The following ACAP3 variants were observed in gnomAD, a reference collection of about 807,000 sequenced individuals.
ACAP3 encodes arf-GAP with coiled-coil, ANK repeat and PH domain-containing protein 3.
A neutral mutation model predicts 104.1 loss-of-function variants in ACAP3; 56 were observed. The observed-to-expected ratio is 0.54, with a 90% CI of 0.43 to 0.67. The LOEUF is 0.67. ACAP3 is among the 30% of genes least tolerant of loss of function. ACAP3 has a pLI of 0.00. For synonymous variants in ACAP3, 628 were observed against 496.2 expected (o/e 1.27, Z -3.53); for missense variants, 1,208 against 1,174.9 (o/e 1.03, Z -0.41).
intron 14 of ACAP3, among the ~76,000 whole-genome samples, chr1:1,296,871 C>G (rs1279423165): frequency 6.6e-6 from 1 of 152,046 alleles, no homozygotes; most frequent in Non-Finnish European, 1.5e-5. Flanking sequence ...GAGCACACGC[C>G]CGCACACGCA....
intron 1 of ACAP3, 148 bp from the exon 2 acceptor site, chr1:1,304,291 G>C: frequency 1.0e-6 from 1 of 968,330 alleles, no homozygotes; most frequent in Non-Finnish European, 1.5e-6. Context: ...TGCTACGGGG[G>C]CAGGACTGGG....
At chr1:1,295,094 G>C in intron 19 of ACAP3, 1 of 552,396 alleles carries the variant, frequency 1.8e-6, no homozygotes. Context: ...CCCGCAGTGG[G>C]CCCCCCAGCC....
chr1:1,304,170 G>T, intron 1 of ACAP3, 27 bp from the exon 2 acceptor site: 1 of 1,550,216 alleles, frequency 6.5e-7, no homozygotes, highest in Admixed American at 2.0e-5. Flanking sequence ...GCTGGCTGGG[G>T]TCACCTGCAG....
chr1:1,304,209 CCCGCACCTCCCT>C, intron 1 of ACAP3, 66 bp from the exon 2 acceptor site: 7 of 1,536,550 alleles, frequency 4.6e-6, no homozygotes, highest in Non-Finnish European at 6.2e-6. Context: ...TTCACCTCCC[CCCGCACCTCCCT>C]GAGGGGCTCC....
intron 14 of ACAP3, among the ~76,000 whole-genome samples, 189 bp from the exon 15 acceptor site, chr1:1,296,822 C>T (rs993334828): frequency 3.0e-4 from 38 of 126,362 alleles, no homozygotes; most frequent in African/African-American, 1.1e-3. Flanking sequence ...CGCCCGCACA[C>T]GCACACACGC....
At chr1:1,294,908 A>C (rs1641049484) in intron 19 of ACAP3, 92 bp from the exon 20 acceptor site, 1 of 1,313,894 alleles carries the variant, frequency 7.6e-7, no homozygotes, top group Non-Finnish European at 1.1e-6. Flanking sequence ...CCCACCCTCC[A>C]GGGGCCACCC....
chr1:1,300,393 TG>T, intron 6 of ACAP3, 115 bp downstream of exon 6: 1 of 1,295,928 alleles, frequency 7.7e-7, no homozygotes, highest in Non-Finnish European at 1.1e-6. Flanking sequence ...TTCCCACCCA[TG>T]GGCAAAGCAA....
intron 9 of ACAP3, chr1:1,299,628 A>G: frequency 1.4e-6 from 1 of 722,374 alleles, no homozygotes; most frequent in Non-Finnish European, 2.3e-6. Flanking sequence ...CCTCAAAAGG[A>G]GATCCCAGCA....
At chr1:1,300,845 C>T (rs1018080601) in intron 5 of ACAP3, among the ~76,000 whole-genome samples, 153 bp from the exon 6 acceptor site, 48 of 152,186 alleles carry the variant, frequency 3.2e-4, no homozygotes, top group African/African-American at 1.2e-3. Flanking sequence ...TGTCTCGGCT[C>T]ACCGCAATCT....
rs115482194 is a variant in ACAP3 at position 1,296,403 on chromosome 1, A to G, written c.1337+22T>C. On this transcript the variant is annotated intron_variant, in intron 15 of 23. Coordinates refer to ENST00000354700, the MANE Select transcript of ACAP3 (RefSeq NM_030649.3). ...ATGCTCCAGCCCAACCCCCACCCCC[A>G]GCCTGGCCCTCAGGGGCCCACCTGT... 0.01 allele frequency: 15,347 copies of G among 1,530,506 alleles called. 1,544 individuals are homozygous for G. In the African/African-American group the frequency reaches 0.2, roughly 20 times the overall value. 94.8% of individuals were successfully genotyped at this position (1,530,506 alleles called of 1,614,324 possible).
Position 1,303,059 on chromosome 1 carries a change from T to C in ACAP3, c.226-84A>G. On this transcript the variant is annotated intron_variant, in intron 3 of 23. Coordinates refer to ENST00000354700, the MANE Select transcript of ACAP3 (RefSeq NM_030649.3). The surrounding 1 kb of genome is among the most constrained non-coding windows in gnomAD (Gnocchi z 4.0). Reference sequence around the variant, plus strand: ...CCACGCCCTCTGAGCCCCTGGGCGGTGCAGACACCGGCCTGCTTCTGGCCT... The same window carrying C: ...CCACGCCCTCTGAGCCCCTGGGCGGCGCAGACACCGGCCTGCTTCTGGCCT... The C allele has an allele frequency of 6.4e-7, 1 of 1,554,752 alleles. No homozygotes were observed. Among genetic ancestry groups the C allele is most frequent in the Non-Finnish European group, 8.7e-7 (1 of 1,148,498 alleles).
Position 1,303,210 on chromosome 1 carries a change from G to A in ACAP3, c.177C>T (p.Ser59=), listed in dbSNP as rs142687085. Residue 59 remains serine (S), a synonymous_variant, in exon 3 of 24, where the codon AGC becomes AGT. Coordinates refer to ENST00000354700, the MANE Select transcript of ACAP3 (RefSeq NM_030649.3). This position sits in a 1 kb window ranked among gnomAD's most constrained non-coding sequence, Gnocchi z 4.0. ...ACTGCTGGGACAGGTCGCGGACGCC[G>A]CTCACGAAAAGCCTGCTGGTGCTGA... ...AYVSTSRLFV[S]GVRDLSQQCQ... 2.1e-5 allele frequency: 33 copies of A among 1,607,006 alleles called. No individual in the cohort carries two copies. Among genetic ancestry groups the A allele is most frequent in the East Asian group, 1.6e-4 (7 of 44,628 alleles).
chr1:1,301,863 G>C (rs1395507632), intron 5 of ACAP3, 125 bp downstream of exon 5: 5 of 889,842 alleles, frequency 5.6e-6, no homozygotes, highest in Non-Finnish European at 6.4e-6. Flanking sequence ...CTTCTGCCTT[G>C]TGGAGCCGCT....
rs1218364713 is a variant in ACAP3, at chr1:1,293,467, G to A, written c.*97C>T. The A allele has an allele frequency of 3.2e-6, 4 of 1,251,446 alleles. 1 individual carries two copies. The highest frequency in any genetic ancestry group is 1.0e-6 in the Non-Finnish European group (1 of 986,054). The allele number at this position is 1,251,446 out of a possible 1,614,324, so 77.5% of individuals were successfully genotyped here. ...TGGGGCTGCCAGGTATCGACCCGCG[G>A]GTCACACGCAGGGCCGCGGCCGGGT... On this transcript the variant is annotated 3_prime_UTR_variant, in exon 24 of 24. Coordinates refer to ENST00000354700, the MANE Select transcript of ACAP3 (RefSeq NM_030649.3).
At chr1:1,299,310 G>T (rs1378334967) in intron 10 of ACAP3, 35 bp downstream of exon 10, 1 of 1,592,970 alleles carries the variant, frequency 6.3e-7, no homozygotes. Context: ...GGTCTCCCCC[G>T]ACCCACAGCC....
At position 1,293,331 on chromosome 1, in the gene ACAP3, G is replaced by C; in HGVS notation, c.*233C>G. 1 of 334,392 alleles carries C rather than the reference G, an allele frequency of 3.0e-6. No homozygotes were observed. Among genetic ancestry groups the C allele is most frequent in the Non-Finnish European group, 5.2e-6 (1 of 193,024 alleles). 20.7% of individuals were successfully genotyped at this position (334,392 alleles called of 1,614,324 possible). A position where few individuals can be genotyped will look rare whatever the true frequency, so the allele number is the denominator to read the frequency against. On this transcript the variant is annotated 3_prime_UTR_variant, in exon 24 of 24. Transcript: ENST00000354700. ...AAGACAGAGGTTCCCCAGGTGGGGT[G>C]AGGGACACCCGACGATGCAGCACCC...
intron 1 of ACAP3, 145 bp downstream of exon 1, chr1:1,307,624 G>A: frequency 1.1e-6 from 1 of 939,806 alleles, no homozygotes; most frequent in Non-Finnish European, 1.3e-6. Flanking sequence ...GGGCGGGGCC[G>A]CCGCTTTGTC....
At chr1:1,307,270 C>G in intron 1 of ACAP3, 1 of 1,288,632 alleles carries the variant, frequency 7.8e-7, no homozygotes, top group South Asian at 1.2e-5. Context: ...CCCCGCCGCT[C>G]TTCTCGGCCG....
Position 1,295,969 on chromosome 1 carries a change from C to G in ACAP3, c.1503-31G>C, listed in dbSNP as rs367886292. On this transcript the variant is annotated intron_variant, in intron 17 of 23. Transcript: ENST00000354700. ...CCAGGGGGGAACATGAGGCTGTGCC[C>G]CCAGGCTGGGGCTCCCTGACTGATC... 66 of 1,612,614 alleles carry G rather than the reference C, an allele frequency of 4.1e-5. 1 individual carries two copies. The African/African-American group carries it at 6.5e-4, about 16-fold the overall frequency.
Sources: gnomAD v4.1 joint callset for allele counts (sites outside exome capture counted in the v4.1 genomes callset) on GRCh38, gnomAD v4.1.1 for gene constraint, Gnocchi (gnomAD v3.1) non-coding constraint, MANE v1.5 for transcripts, NCBI Gene and HGNC (gene_info 2026-07-23, HGNC 2026-07-21) for gene names.